The following TUBGCP3 variants were observed in gnomAD, a reference collection of about 807,000 sequenced individuals.
TUBGCP3 encodes tubulin gamma complex component 3, also known as gamma-tubulin complex component 3.
Under a neutral mutation model 123.1 loss-of-function variants are expected in TUBGCP3, and 50 were observed. That is an observed-to-expected ratio of 0.41 (90% CI 0.32 to 0.51). The LOEUF (loss-of-function observed/expected upper bound fraction) is 0.51. Ranked by LOEUF, TUBGCP3 falls within the 20% of genes least tolerant of loss-of-function variation. The pLI, the probability that TUBGCP3 is intolerant of heterozygous loss-of-function variation, is 0.36. For synonymous variants in TUBGCP3, 405 were observed against 413.9 expected (o/e 0.98, Z 0.26); for missense variants, 882 against 1,127.0 (o/e 0.78, Z 3.11).
intron 11 of TUBGCP3, among the ~76,000 whole-genome samples, chr13:112,529,134 G>A (rs933842015): frequency 1.3e-5 from 2 of 152,028 alleles, no homozygotes; most frequent in African/African-American, 2.4e-5. Context: ...ATTACAGGTA[G>A]GAGCCACCAT....
intron 11 of TUBGCP3, among the ~76,000 whole-genome samples, chr13:112,531,854 T>C (rs1877606412): frequency 6.6e-6 from 1 of 152,192 alleles, no homozygotes; most frequent in Non-Finnish European, 1.5e-5. Context: ...TGCGATACGC[T>C]TTTATTTTAC....
intron 9 of TUBGCP3, 140 bp from the exon 10 acceptor site, chr13:112,547,892 T>G (rs1879200398): frequency 8.7e-7 from 1 of 1,143,508 alleles, no homozygotes; most frequent in Admixed American, 3.3e-5. Context: ...AAAATAGTAT[T>G]TTAAAGCTAC....
upstream of TUBGCP3, among the ~76,000 whole-genome samples, chr13:112,589,673 T>C (rs1281446798): frequency 1.3e-5 from 2 of 152,264 alleles, no homozygotes; most frequent in African/African-American, 2.4e-5. Flanking sequence ...TGTTTCAGAA[T>C]TATGGCAAGC....
At position 112,513,120 on chromosome 13, in the gene TUBGCP3, G is replaced by A. The variant is rs538455379; in HGVS notation, c.2086+3320C>T. ...AGGGAGAAAGAAAAAGCCTCCATTC[G>A]TTCCCTCCCCACCCCACACAAAGGC... On this transcript the variant is annotated intron_variant, in intron 17 of 21. Coordinates refer to ENST00000261965, the MANE Select transcript of TUBGCP3 (RefSeq NM_006322.6). 3.9e-4 allele frequency among the ~76,000 whole-genome samples: 59 copies of A among 152,218 alleles called. No individual in the cohort carries two copies. The South Asian group carries it at 9.5e-3, about 25-fold the overall frequency.
intron 20 of TUBGCP3, among the ~76,000 whole-genome samples, chr13:112,497,451 ACTCTCTAAGCTACATATGGTC>A (rs1880600498): frequency 1.3e-5 from 2 of 152,176 alleles, no homozygotes; most frequent in Admixed American, 1.3e-4. Flanking sequence ...GTGGTTGAGG[ACTCTCTAAGCTACATATGGTC>A]CTCTAACACA....
At chr13:112,495,939 A>G (rs959881439) in intron 20 of TUBGCP3, among the ~76,000 whole-genome samples, 5 of 152,166 alleles carry the variant, frequency 3.3e-5, no homozygotes, top group African/African-American at 1.2e-4. Flanking sequence ...TTGGCAAAAA[A>G]TTTTTAAAAA....
chr13:112,603,237 G>T, the TUBGCP3 span: 1 of 152,120 alleles, frequency 6.6e-6, no homozygotes, highest in African/African-American at 2.4e-5. Context: ...TCACAGATTT[G>T]CATACAAGAA....
In TUBGCP3 at chr13:112,545,950, C is replaced by T; in HGVS notation, c.1169-85G>A. ...AGTCACTTCTCACCAACCAAAGACGCCCAAGTAATTGAGATAAAGAGCATT... is the reference window on the plus strand; with the variant it reads ...AGTCACTTCTCACCAACCAAAGACGTCCAAGTAATTGAGATAAAGAGCATT... On this transcript the variant is annotated intron_variant, in intron 10 of 21. Transcript: ENST00000261965. This position sits in a 1 kb window ranked among gnomAD's most constrained non-coding sequence, Gnocchi z 4.1. 6.8e-7 allele frequency: 1 copy of T among 1,467,814 alleles called. No homozygotes were observed. Among genetic ancestry groups the T allele is most frequent in the Admixed American group, 1.8e-5 (1 of 55,524 alleles). The allele number at this position is 1,467,814 out of a possible 1,614,324, so 90.9% of individuals were successfully genotyped here. A position where few individuals can be genotyped will look rare whatever the true frequency, so the allele number is the denominator to read the frequency against.
chr13:112,538,368 G>A (rs767663725), intron 11 of TUBGCP3, among the ~76,000 whole-genome samples: 14 of 152,188 alleles, frequency 9.2e-5, no homozygotes, highest in Non-Finnish European at 1.8e-4. Context: ...ACCTAAATGT[G>A]TCTTGCTGTG....
chr13:112,531,246 G>C (rs1404785017), intron 11 of TUBGCP3, among the ~76,000 whole-genome samples: 1 of 152,194 alleles, frequency 6.6e-6, no homozygotes, highest in African/African-American at 2.4e-5. Flanking sequence ...TAGGGAAGAG[G>C]CTGCTACGTT....
rs1180265452 is a variant in TUBGCP3 at position 112,545,826 on chromosome 13, T to C, written c.1208A>G (p.Tyr403Cys). Residue 403 changes from tyrosine (Y) to cysteine (C), a missense_variant, in exon 11 of 22, where the codon TAC becomes TGC. Coordinates refer to ENST00000261965, the MANE Select transcript of TUBGCP3 (RefSeq NM_006322.6). The surrounding 1 kb of genome is among the most constrained non-coding windows in gnomAD (Gnocchi z 4.1). ...GGELASAVHA[Y>C]TKTGDPYMRS... Reference sequence around the variant, plus strand: ...CATGTACGGGTCTCCTGTTTTTGTGTAGGCGTGGACAGCTGAGGCCAGCTC... The same window carrying C: ...CATGTACGGGTCTCCTGTTTTTGTGCAGGCGTGGACAGCTGAGGCCAGCTC... 1 of 1,614,186 alleles carries C rather than the reference T, an allele frequency of 6.2e-7. No homozygotes were observed. Among genetic ancestry groups the C allele is most frequent in the Non-Finnish European group, 8.5e-7 (1 of 1,180,022 alleles).
chr13:112,572,591 C>T (rs1171192585), intron 1 of TUBGCP3, among the ~76,000 whole-genome samples: 1 of 152,120 alleles, frequency 6.6e-6, no homozygotes, highest in African/African-American at 2.4e-5. Context: ...GGCCTAATTT[C>T]AATATTGTTG....
intron 19 of TUBGCP3, among the ~76,000 whole-genome samples, chr13:112,502,112 G>A (rs559060667): frequency 2.5e-4 from 38 of 152,260 alleles, no homozygotes; most frequent in African/African-American, 7.2e-4. Context: ...CACACACACC[G>A]GCACAAAATA....
chr13:112,531,528 G>A (rs1243494374), intron 11 of TUBGCP3, among the ~76,000 whole-genome samples: 1 of 152,170 alleles, frequency 6.6e-6, no homozygotes, highest in Non-Finnish European at 1.5e-5. Context: ...CATATAAATT[G>A]TATGTCTGTT....
intron 21 of TUBGCP3, among the ~76,000 whole-genome samples, chr13:112,487,801 G>A (rs1879778952): frequency 6.6e-6 from 1 of 152,064 alleles, no homozygotes; most frequent in Non-Finnish European, 1.5e-5. Flanking sequence ...AAGGGACAAC[G>A]TTCCTCCTTA....
At chr13:112,590,198 G>A (rs550630873), upstream of TUBGCP3, among the ~76,000 whole-genome samples, 9 of 152,102 alleles carry the variant, frequency 5.9e-5, no homozygotes, top group African/African-American at 1.4e-4. Flanking sequence ...GAATGGTCTC[G>A]ATCTCCTGAC....
the TUBGCP3 span, among the ~76,000 whole-genome samples, chr13:112,600,365 G>A: frequency 6.6e-6 from 1 of 152,136 alleles, no homozygotes; most frequent in Non-Finnish European, 1.5e-5. Flanking sequence ...CTGATTGATT[G>A]ACTAAAACTA....
chr13:112,513,191 T>C (rs1881786211), intron 17 of TUBGCP3, among the ~76,000 whole-genome samples: 1 of 152,224 alleles, frequency 6.6e-6, no homozygotes, highest in Non-Finnish European at 1.5e-5. Context: ...CCATTTCATT[T>C]TGTGAAATGT....
chr13:112,570,642 C>T (rs759026605), intron 1 of TUBGCP3, among the ~76,000 whole-genome samples: 6 of 152,164 alleles, frequency 3.9e-5, no homozygotes, highest in South Asian at 2.1e-4. Context: ...CTGACCAGGG[C>T]GGTGGTTGCT....
Sources: allele counts gnomAD v4.1 joint callset (sites outside exome capture counted in the v4.1 genomes callset), GRCh38; gene constraint gnomAD v4.1.1; non-coding constraint Gnocchi (gnomAD v3.1); transcripts MANE v1.5; gene names NCBI Gene and HGNC (gene_info 2026-07-23, HGNC 2026-07-21).